NUDCD3: variants seen among roughly 807,000 people sequenced by gnomAD.
NUDCD3 encodes the protein nudC domain-containing protein 3.
Under a neutral mutation model 39.7 loss-of-function variants are expected in NUDCD3, and 13 were observed. The observed-to-expected ratio is 0.33, with a 90% CI of 0.21 to 0.52. The LOEUF (loss-of-function observed/expected upper bound fraction) is 0.52, where lower values mean the gene tolerates loss of function less well. Among genes scored for constraint, NUDCD3 ranks in the 20% least tolerant of loss-of-function variants. NUDCD3 has a pLI of 0.96. For synonymous variants in NUDCD3, 175 were observed against 172.4 expected (o/e 1.02, Z -0.12); for missense variants, 453 against 458.1 (o/e 0.99, Z 0.10).
chr7:44,485,782 A>G (rs1450797437), intron 1 of NUDCD3, among the ~76,000 whole-genome samples: 1 of 152,250 alleles, frequency 6.6e-6, no homozygotes, highest in Non-Finnish European at 1.5e-5. Context: ...ATGCGCCTAC[A>G]GTGTGCAAGA....
At position 44,467,828 on chromosome 7, in the gene NUDCD3, AAAAG is replaced by A. The variant is rs903544271; in HGVS notation, c.509+17136_509+17139del. The A allele has an allele frequency of 3.5e-3, 3,562 of 1,007,212 alleles. 1 individual carries two copies. The highest frequency in any genetic ancestry group is 0.025 in the East Asian group (573 of 23,194). 62.4% of individuals were successfully genotyped at this position (1,007,212 alleles called of 1,614,324 possible). A position where few individuals can be genotyped will look rare whatever the true frequency, so the allele number is the denominator to read the frequency against. ...AACTAAGACCTCAGTAAAAAAAAAA[AAAAG>A]AAAAGAAAAGGCTCTCTTCCTCGGC... On this transcript the variant is annotated intron_variant, in intron 2 of 5. Transcript: ENST00000355451.
chr7:44,417,723 C>A (rs1799055116), intron 3 of NUDCD3, among the ~76,000 whole-genome samples: 1 of 152,184 alleles, frequency 6.6e-6, no homozygotes, highest in African/African-American at 2.4e-5. Context: ...TTGGGAAGAG[C>A]TATTAGCTCC....
chr7:44,488,290 A>C (rs964213207), intron 1 of NUDCD3, among the ~76,000 whole-genome samples: 1 of 148,104 alleles, frequency 6.8e-6, no homozygotes, highest in Non-Finnish European at 1.5e-5. Flanking sequence ...AGCTGAGATC[A>C]TGCCACTGCA....
At chr7:44,462,885 A>C (rs1206223851) in intron 2 of NUDCD3, among the ~76,000 whole-genome samples, 1 of 152,048 alleles carries the variant, frequency 6.6e-6, no homozygotes, top group Non-Finnish European at 1.5e-5. Flanking sequence ...TTTTGAAAAT[A>C]CTCATCACCA....
At chr7:44,398,609 C>T (rs1231229714) in intron 4 of NUDCD3, among the ~76,000 whole-genome samples, 3 of 152,182 alleles carry the variant, frequency 2.0e-5, no homozygotes, top group Non-Finnish European at 2.9e-5. Flanking sequence ...TCAGCATCCC[C>T]CAATCTGCGC....
At chr7:44,395,301 G>C (rs1160647981) in intron 4 of NUDCD3, among the ~76,000 whole-genome samples, 5 of 152,196 alleles carry the variant, frequency 3.3e-5, no homozygotes, top group Non-Finnish European at 5.9e-5. Flanking sequence ...GCTCTCCAAG[G>C]GGGCCATCCT....
chr7:44,404,695 T>A, intron 3 of NUDCD3, 112 bp from the exon 4 acceptor site: 1 of 1,090,318 alleles, frequency 9.2e-7, no homozygotes, highest in Non-Finnish European at 1.3e-6. Context: ...TACAGCGCTG[T>A]CATCAGGCTC....
chr7:44,484,635 A>G (rs1800566343), intron 2 of NUDCD3: 1 of 228,762 alleles, frequency 4.4e-6, no homozygotes, highest in South Asian at 9.1e-5. Flanking sequence ...CTGCAGAGAG[A>G]AAAACACAAA....
chr7:44,403,570 C>T (rs1431945812), intron 4 of NUDCD3, among the ~76,000 whole-genome samples: 1 of 152,208 alleles, frequency 6.6e-6, no homozygotes, highest in East Asian at 1.9e-4. Flanking sequence ...AGCATGAGGA[C>T]AGCCAGGACA....
chr7:44,387,353 A>C (rs1292346087), intron 5 of NUDCD3, among the ~76,000 whole-genome samples: 2 of 152,150 alleles, frequency 1.3e-5, no homozygotes, highest in African/African-American at 2.4e-5. Flanking sequence ...GACCTAAGTG[A>C]TGCAACAACA....
chr7:44,462,770 T>C (rs1050707496), intron 2 of NUDCD3, among the ~76,000 whole-genome samples: 1 of 152,234 alleles, frequency 6.6e-6, no homozygotes, highest in African/African-American at 2.4e-5. Flanking sequence ...CCTAACTCAA[T>C]TTTAGATAAA....
At chr7:44,476,369 T>C (rs1025453772) in intron 2 of NUDCD3, among the ~76,000 whole-genome samples, 5 of 152,184 alleles carry the variant, frequency 3.3e-5, no homozygotes, top group African/African-American at 1.2e-4. Flanking sequence ...CAAAGTAATG[T>C]TATTTGGAGG....
intron 1 of NUDCD3, among the ~76,000 whole-genome samples, chr7:44,487,319 A>T (rs1474906378): frequency 6.6e-6 from 1 of 152,176 alleles, no homozygotes; most frequent in African/African-American, 2.4e-5. Context: ...GAACGCTTTG[A>T]AGTTCCACAA....
intron 2 of NUDCD3, among the ~76,000 whole-genome samples, chr7:44,460,630 G>T (rs1799988680): frequency 6.6e-6 from 1 of 151,956 alleles, no homozygotes; most frequent in Admixed American, 6.6e-5. Context: ...GCCACCTGAG[G>T]TTCTAAACCT....
At chr7:44,468,086 A>T in intron 2 of NUDCD3, 1 of 1,611,522 alleles carries the variant, frequency 6.2e-7, no homozygotes, top group Non-Finnish European at 8.5e-7. Context: ...TGGGAGCAAC[A>T]AAAAAACAAA....
chr7:44,416,896 T>C (rs1348114662), intron 3 of NUDCD3, among the ~76,000 whole-genome samples: 1 of 152,170 alleles, frequency 6.6e-6, no homozygotes, highest in Non-Finnish European at 1.5e-5. Flanking sequence ...GTAGCCCTCA[T>C]GGGTGCACAG....
chr7:44,490,642 C>T lies in NUDCD3; in HGVS notation c.-42G>A. On this transcript the variant is annotated 5_prime_UTR_variant, in exon 1 of 6. Coordinates refer to ENST00000355451, the MANE Select transcript of NUDCD3 (RefSeq NM_015332.4). ...GGTACGCTTCACACACACAGCGCCG[C>T]CTCAGACCTGCCGACTGGCCACTTC... 6.5e-7 allele frequency: 1 copy of T among 1,539,344 alleles called. No homozygotes were observed. The highest frequency in any genetic ancestry group is 8.7e-7 in the Non-Finnish European group (1 of 1,143,664).
At chr7:44,489,452 A>T (rs569237347) in intron 1 of NUDCD3, among the ~76,000 whole-genome samples, 32 of 152,374 alleles carry the variant, frequency 2.1e-4, no homozygotes, top group African/African-American at 7.2e-4. Flanking sequence ...AGCATGCATT[A>T]AGACTTCAGG....
intron 4 of NUDCD3, among the ~76,000 whole-genome samples, chr7:44,397,123 G>A (rs992000012): frequency 6.6e-6 from 1 of 152,118 alleles, no homozygotes; most frequent in Non-Finnish European, 1.5e-5. Context: ...CCCGATGCTC[G>A]TTTTGCCATC....
Sources: gnomAD v4.1 joint callset for allele counts (sites outside exome capture counted in the v4.1 genomes callset) on GRCh38, gnomAD v4.1.1 for gene constraint, MANE v1.5 for transcripts, NCBI Gene and HGNC (gene_info 2026-07-23, HGNC 2026-07-21) for gene names.